Variants in ASNS observed in about 807,000 individuals in gnomAD.
ASNS encodes asparagine synthetase (glutamine-hydrolyzing), also known as asparagine synthetase [glutamine-hydrolyzing].
A neutral mutation model predicts 62.6 loss-of-function variants in ASNS; 37 were observed. The observed-to-expected ratio is 0.59, with a 90% CI of 0.45 to 0.78. The LOEUF (loss-of-function observed/expected upper bound fraction) is 0.78. ASNS is among the 30% of genes least tolerant of loss of function. The pLI is 0.00. For synonymous variants in ASNS, 207 were observed against 237.9 expected, an observed-to-expected ratio of 0.87 and a Z score of 1.19; for missense variants, 520 against 682.4, an observed-to-expected ratio of 0.76 and a Z score of 2.65.
the ASNS span, among the ~76,000 whole-genome samples, chr7:97,881,742 T>C: frequency 6.6e-6 from 1 of 152,034 alleles, no homozygotes; most frequent in Non-Finnish European, 1.5e-5. Flanking sequence ...TGACAAGCAA[T>C]GGATACGATT....
At chr7:97,889,760 A>T in the ASNS span, among the ~76,000 whole-genome samples, 1 of 151,870 alleles carries the variant, frequency 6.6e-6, no homozygotes, top group Non-Finnish European at 1.5e-5. Flanking sequence ...ATAGTCACAT[A>T]AGGATGCAAG....
At chr7:97,902,501 C>A in the ASNS span, among the ~76,000 whole-genome samples, 1 of 152,092 alleles carries the variant, frequency 6.6e-6, no homozygotes, top group Non-Finnish European at 1.5e-5. Flanking sequence ...TGCTTGAGCC[C>A]AGGAGCTTGA....
chr7:97,912,591 T>TTCC, the ASNS span, among the ~76,000 whole-genome samples: 1 of 79,378 alleles, frequency 1.3e-5, no homozygotes. Context: ...TTTTTTTTTT[T>TTCC]TTCTGTTTTC....
At chr7:97,853,429 T>TAAATTAA in intron 10 of ASNS, 43 bp from the exon 11 acceptor site, 2 of 1,519,734 alleles carry the variant, frequency 1.3e-6, no homozygotes, top group East Asian at 4.5e-5. Context: ...AATGGGTATT[T>TAAATTAA]AGTGCCTGCC....
At chr7:97,878,024 G>C in the ASNS span, among the ~76,000 whole-genome samples, 1 of 152,184 alleles carries the variant, frequency 6.6e-6, no homozygotes, top group African/African-American at 2.4e-5. Context: ...TCACGGATGA[G>C]AGCAGCCCAC....
At chr7:97,912,824 C>T in the ASNS span, among the ~76,000 whole-genome samples, 11 of 151,666 alleles carry the variant, frequency 7.3e-5, no homozygotes. Flanking sequence ...TCAAGTGATC[C>T]AACCCCCTAA....
At chr7:97,883,450 G>A in the ASNS span, among the ~76,000 whole-genome samples, 2 of 148,252 alleles carry the variant, frequency 1.3e-5, no homozygotes, top group Non-Finnish European at 1.5e-5. Flanking sequence ...ACCAAGTCAC[G>A]TGGGTTTTAC....
chr7:97,861,991 G>A (rs924155876), intron 4 of ASNS, among the ~76,000 whole-genome samples: 2 of 152,140 alleles, frequency 1.3e-5, no homozygotes, highest in South Asian at 4.1e-4. Flanking sequence ...CAGTTAAAGT[G>A]TGTCAAATAC....
chr7:97,873,296 C>G (rs918982703), upstream of ASNS, among the ~76,000 whole-genome samples: 4 of 152,162 alleles, frequency 2.6e-5, no homozygotes, highest in African/African-American at 9.7e-5. Flanking sequence ...ATTACATCAG[C>G]ACCGAAATAA....
chr7:97,915,081 A>T, the ASNS span, among the ~76,000 whole-genome samples: 3 of 152,240 alleles, frequency 2.0e-5, no homozygotes, highest in African/African-American at 7.2e-5. Flanking sequence ...TCCTACAGAC[A>T]ACTGTGCTTC....
the ASNS span, among the ~76,000 whole-genome samples, chr7:97,881,952 C>G: frequency 0.65 from 98,044 of 150,752 alleles, 32,893 homozygotes; most frequent in East Asian, 0.82. Context: ...CCAGGTTCAA[C>G]CGATAACACC....
chr7:97,881,276 A>G, the ASNS span, among the ~76,000 whole-genome samples: 1 of 152,124 alleles, frequency 6.6e-6, no homozygotes. Context: ...CACATAACAT[A>G]CAAGTCCCTG....
At chr7:97,883,987 CA>C in the ASNS span, among the ~76,000 whole-genome samples, 32,396 of 104,132 alleles carry the variant, frequency 0.31, 4,123 homozygotes, top group East Asian at 0.44. Context: ...GACTCCATCT[CA>C]AAAAAAAAAA....
the ASNS span, among the ~76,000 whole-genome samples, chr7:97,896,276 A>C: frequency 5.9e-5 from 9 of 152,014 alleles, no homozygotes; most frequent in Non-Finnish European, 8.8e-5. Context: ...TAGAAGCCTC[A>C]CACTACCTGA....
intron 7 of ASNS, 83 bp downstream of exon 7, chr7:97,858,195 A>C: frequency 6.5e-7 from 1 of 1,531,636 alleles, no homozygotes; most frequent in Non-Finnish European, 8.9e-7. Context: ...CAGCAGTAGA[A>C]TCACCCATTA....
At chr7:97,898,094 C>CT in the ASNS span, among the ~76,000 whole-genome samples, 467 of 150,004 alleles carry the variant, frequency 3.1e-3, 1 homozygote, top group African/African-American at 0.011. Flanking sequence ...AGCGCGGATA[C>CT]TTTTTTTTTT....
At chr7:97,892,650 G>A in the ASNS span, among the ~76,000 whole-genome samples, 3 of 151,898 alleles carry the variant, frequency 2.0e-5, no homozygotes, top group African/African-American at 7.3e-5. Flanking sequence ...AATCTCTCAA[G>A]TTCAAAATTC....
At chr7:97,863,732 G>A (rs1347830512) in intron 4 of ASNS, 1 of 148,524 alleles carries the variant, frequency 6.7e-6, no homozygotes, top group Non-Finnish European at 1.5e-5. Flanking sequence ...TAAGGTAAAG[G>A]GCATAGGATT....
chr7:97,867,814 C>T (rs1277655128), intron 3 of ASNS, among the ~76,000 whole-genome samples: 1 of 152,070 alleles, frequency 6.6e-6, no homozygotes, highest in Non-Finnish European at 1.5e-5. Flanking sequence ...TATTTTAAAA[C>T]TTTTTAAATG....
Sources: gnomAD v4.1 joint callset for allele counts (sites outside exome capture counted in the v4.1 genomes callset) on GRCh38, gnomAD v4.1.1 for gene constraint, MANE v1.5 for transcripts, NCBI Gene and HGNC (gene_info 2026-07-23, HGNC 2026-07-21) for gene names.